Variants in EVI2A observed in about 807,000 individuals in gnomAD.
EVI2A encodes ecotropic viral integration site 2A.
EVI2A carries 11 observed loss-of-function variants against 13.0 expected under a neutral mutation model. The observed-to-expected ratio is 0.85, with a 90% CI of 0.53 to 1.40. The LOEUF (loss-of-function observed/expected upper bound fraction) is 1.40. Ranked by LOEUF, EVI2A falls within the 40% of genes most tolerant of loss-of-function variation. The pLI is 0.00. For missense variants in EVI2A, 267 were observed against 279.5 expected, an observed-to-expected ratio of 0.96 and a Z score of 0.32; for synonymous variants, 89 against 98.0, an observed-to-expected ratio of 0.91 and a Z score of 0.54.
rs1567892034 is a variant in EVI2A, at chr17:31,317,714, ATTTAATATTAATAGTAGAAAAACACT to A, written c.*563_*588del. The A allele has an allele frequency of 6.6e-6, 1 of 152,234 alleles. No homozygotes were observed. The highest frequency in any genetic ancestry group is 1.5e-5 in the Non-Finnish European group (1 of 68,042). 9.4% of individuals were successfully genotyped at this position (152,234 alleles called of 1,614,324 possible). A position where few individuals can be genotyped will look rare whatever the true frequency, so the allele number is the denominator to read the frequency against. On this transcript the variant is annotated 3_prime_UTR_variant, in exon 2 of 2. Coordinates refer to ENST00000462804, the MANE Select transcript of EVI2A (RefSeq NM_014210.4). ...TTATTATACAAAAGTAAAGGTTTTA[ATTTAATATTAATAGTAGAAAAACACT>A]TTCTTACGTGTGCCATATGGAAAGA...
In EVI2A at chr17:31,316,912, G is replaced by C. The variant is rs1189569840; in HGVS notation, c.*1391C>G. On this transcript the variant is annotated 3_prime_UTR_variant, in exon 2 of 2. Transcript: ENST00000462804. Reference sequence around the variant, plus strand: ...AGACGTTTGAATTTGATGACCAAGAGCAGTTATCACCTTGAGAGTTACGTA... The same window carrying C: ...AGACGTTTGAATTTGATGACCAAGACCAGTTATCACCTTGAGAGTTACGTA... Among the ~76,000 whole-genome samples, 1 of 152,082 alleles carries C rather than the reference G, an allele frequency of 6.6e-6. No homozygotes were observed. Among genetic ancestry groups the C allele is most frequent in the Non-Finnish European group, 1.5e-5 (1 of 68,008 alleles).
In EVI2A at chr17:31,317,368, AACACACACACACAC is replaced by A. The variant is rs3138611; in HGVS notation, c.*921_*934del. On this transcript the variant is annotated 3_prime_UTR_variant, in exon 2 of 2. Coordinates refer to ENST00000462804, the MANE Select transcript of EVI2A (RefSeq NM_014210.4). ...TGAAGTATGCAGTTTTCCAGATTTGAACACACACACACACACACACACACACACACACACACCCC... is the reference window on the plus strand; with the variant it reads ...TGAAGTATGCAGTTTTCCAGATTTGAACACACACACACACACACACACCCC... Among the ~76,000 whole-genome samples, 1 of 144,562 alleles carries A rather than the reference AACACACACACACAC, an allele frequency of 6.9e-6. No individual in the cohort carries two copies. The highest frequency in any genetic ancestry group is 1.5e-5 in the Non-Finnish European group (1 of 65,632). The allele number at this position is 144,562 out of a possible 152,430, so 94.8% of individuals were successfully genotyped here.
chr17:31,319,166 C>T, intron 1 of EVI2A, 143 bp from the exon 2 acceptor site: 1 of 848,528 alleles, frequency 1.2e-6, no homozygotes, highest in Non-Finnish European at 1.8e-6. Flanking sequence ...AATTCCTTCT[C>T]AACTAAATTT....
intron 1 of EVI2A, chr17:31,320,292 C>A: frequency 8.4e-7 from 1 of 1,183,954 alleles, no homozygotes; most frequent in Admixed American, 2.7e-5. Flanking sequence ...GTTAAGAACC[C>A]TACGTATGCT....
At chr17:31,320,483 T>G in intron 1 of EVI2A, 1 of 1,505,188 alleles carries the variant, frequency 6.6e-7, no homozygotes, top group Non-Finnish European at 9.2e-7. Context: ...TAAGAAATGG[T>G]TGTTATATGT....
rs1245893948 is a variant in EVI2A, at chr17:31,318,550, G to A, written c.464C>T (p.Ser155Leu). ...GACTTTGTTTGCCAAAACCACAGTT[G>A]ATAGAAATAGAAAGGTACAGATAAG... ...LFLICTFLFL[S>L]TVVLANKVSS... Residue 155 changes from serine (S) to leucine (L), a missense_variant, in exon 2 of 2, where the codon TCA becomes TTA. Ser to Leu is a moderately radical substitution (Grantham distance 145). Transcript: ENST00000462804. 1 of 1,614,072 alleles carries A rather than the reference G, an allele frequency of 6.2e-7. No individual in the cohort carries two copies. Among genetic ancestry groups the A allele is most frequent in the Non-Finnish European group, 8.5e-7 (1 of 1,180,002 alleles).
At chr17:31,320,890 T>G (rs2525563) in intron 1 of EVI2A, 77,854 of 160,304 alleles carry the variant, frequency 0.49, 21,390 homozygotes, top group Non-Finnish European at 0.62. Flanking sequence ...AGATTATTCT[T>G]TTCACATTAG....
chr17:31,318,176 T>C lies in EVI2A; in HGVS notation c.*127A>G. The C allele has an allele frequency of 8.2e-7, 1 of 1,214,222 alleles. No homozygotes were observed. The highest frequency in any genetic ancestry group is 1.6e-5 in the South Asian group (1 of 63,390). 75.2% of individuals were successfully genotyped at this position (1,214,222 alleles called of 1,614,324 possible). A position where few individuals can be genotyped will look rare whatever the true frequency, so the allele number is the denominator to read the frequency against. On this transcript the variant is annotated 3_prime_UTR_variant, in exon 2 of 2. Transcript: ENST00000462804. ...CATACTTCTCCCTGTCTCACCTGCTTGATTCTAAATTGCAAGGTCTACCAT... is the reference window on the plus strand; with the variant it reads ...CATACTTCTCCCTGTCTCACCTGCTCGATTCTAAATTGCAAGGTCTACCAT...
At chr17:31,320,258 AGATTT>A in intron 1 of EVI2A, 1 of 742,630 alleles carries the variant, frequency 1.3e-6, no homozygotes, top group Admixed American at 3.2e-5. Context: ...TGTTCTCCTG[AGATTT>A]ACTAAATGAA....
In EVI2A at chr17:31,317,944, T is replaced by C. The variant is rs2069068468; in HGVS notation, c.*359A>G. The C allele has an allele frequency of 4.7e-6, 1 of 211,804 alleles. No individual in the cohort carries two copies. The highest frequency in any genetic ancestry group is 7.8e-5 in the South Asian group (1 of 12,828). The allele number at this position is 211,804 out of a possible 1,614,324, so 13.1% of individuals were successfully genotyped here. Reference sequence around the variant, plus strand: ...TGGCTTTAAGGACACACTAAAACTATTCAAAGTTTAATTACATTCAGACAA... The same window carrying C: ...TGGCTTTAAGGACACACTAAAACTACTCAAAGTTTAATTACATTCAGACAA... On this transcript the variant is annotated 3_prime_UTR_variant, in exon 2 of 2. Coordinates refer to ENST00000462804, the MANE Select transcript of EVI2A (RefSeq NM_014210.4).
intron 1 of EVI2A, chr17:31,320,390 G>A (rs758469470): frequency 6.2e-7 from 1 of 1,608,396 alleles, no homozygotes; most frequent in Non-Finnish European, 8.5e-7. Flanking sequence ...GTATAGGTAG[G>A]GCCTGAAAGT....
At position 31,318,304 on chromosome 17, in the gene EVI2A, T is replaced by G. The variant is rs2069077635; in HGVS notation, c.710A>C (p.Ter237SerextTer1). The G allele has an allele frequency of 5.0e-6, 8 of 1,600,774 alleles. No homozygotes were observed. The East Asian group carries it at 1.8e-4, about 36-fold the overall frequency. The change falls in exon 2 of 2, where the codon TAG becomes TCG. Residue 237 changes from the stop codon to serine, a stop_lost. Transcript: ENST00000462804. ...TEKLTNKQIG[*>S] is the part of the protein sequence containing the mutation. ...ATTGCTACTTTGCATTTTTCTTCAC[T>G]AACCTATCTGTTTGTTAGTAAGTTT...
Position 31,318,959 on chromosome 17 carries a change from T to C in EVI2A, c.55A>G (p.Thr19Ala). ...GHYLHLAFLM[T>A]TVFSLSPGTK... The stretch of plus-strand genomic sequence containing the variant: ...CCAGGAGACAAAGAAAAAACTGTTG[T>C]CATCAGAAAGGCAAGATGTAGGTAA... Residue 19 changes from threonine (T) to alanine (A), a missense_variant, in exon 2 of 2, where the codon ACA (threonine) becomes GCA (alanine). Physicochemically the swap from Thr to Ala is moderately conservative, Grantham distance 58. Coordinates refer to ENST00000462804, the MANE Select transcript of EVI2A (RefSeq NM_014210.4). 6.2e-7 allele frequency: 1 copy of C among 1,613,474 alleles called. No individual in the cohort carries two copies. Among genetic ancestry groups the C allele is most frequent in the South Asian group, 1.1e-5 (1 of 91,086 alleles).
chr17:31,318,919 T>TA lies in EVI2A; in HGVS notation c.94dup (p.Tyr32LeufsTer7). 1 of 1,614,074 alleles carries TA rather than the reference T, an allele frequency of 6.2e-7. No individual in the cohort carries two copies. Among genetic ancestry groups the TA allele is most frequent in the Admixed American group, 1.7e-5 (1 of 60,018 alleles). On this transcript the variant is annotated frameshift_variant, in exon 2 of 2. Coordinates refer to ENST00000462804, the MANE Select transcript of EVI2A (RefSeq NM_014210.4). LOFTEE classifies it high-confidence loss of function. ...AGTACTGTTAGCCCACAGACGGGTA[T>TA]AGTTTGCTTTTGTTCCAGGAGACAA...
Position 31,316,773 on chromosome 17 carries a change from G to A in EVI2A, c.*1530C>T, listed in dbSNP as rs537018032. Among the ~76,000 whole-genome samples the A allele has an allele frequency of 1.2e-3, 178 of 152,152 alleles. No individual in the cohort carries two copies. The highest frequency in any genetic ancestry group is 1.9e-3 in the Admixed American group (29 of 15,280). ...CTTTGTTAACACTTAACTTTATCTG[G>A]AATAATATTGTTATGATTTCTCGTT... On this transcript the variant is annotated 3_prime_UTR_variant, in exon 2 of 2. Coordinates refer to ENST00000462804, the MANE Select transcript of EVI2A (RefSeq NM_014210.4).
chr17:31,318,739 T>C lies in EVI2A; in HGVS notation c.275A>G (p.Gln92Arg). The change falls in exon 2 of 2, where the codon CAG becomes CGG. Residue 92 changes from glutamine to arginine, a missense_variant. Physicochemically the swap from Gln to Arg is conservative, Grantham distance 43. Coordinates refer to ENST00000462804, the MANE Select transcript of EVI2A (RefSeq NM_014210.4). ...GACGACAGAAGGTATATAAAGCTCCTGTTCAGATTTAGAAGTTAAAGCTAC... is the reference window on the plus strand; with the variant it reads ...GACGACAGAAGGTATATAAAGCTCCCGTTCAGATTTAGAAGTTAAAGCTAC... ...HIVALTSKSE[Q>R]ELYIPSVVSN... is the part of the protein sequence containing the mutation. 1 of 1,614,106 alleles carries C rather than the reference T, an allele frequency of 6.2e-7. No homozygotes were observed. The highest frequency in any genetic ancestry group is 8.5e-7 in the Non-Finnish European group (1 of 1,179,990).
intron 1 of EVI2A, among the ~76,000 whole-genome samples, chr17:31,320,119 C>T (rs1232951381): frequency 6.6e-6 from 1 of 151,946 alleles, no homozygotes; most frequent in Non-Finnish European, 1.5e-5. Flanking sequence ...GTACTGCTAA[C>T]CCAGCAGGAA....
rs139943451 is a variant in EVI2A, at chr17:31,318,634, G to T, written c.380C>A (p.Ala127Glu). 8 of 1,613,886 alleles carry T rather than the reference G, an allele frequency of 5.0e-6. No homozygotes were observed. In the African/African-American group the frequency reaches 6.7e-5, roughly 13 times the overall value. ...CATAGCCATGTTGTTGTTGTTTTCC[G>T]CACAGACATCCTTTTTGAAAATTTC... ...HGEIFKKDVC[A>E]ENNNNMAMLI... The change falls in exon 2 of 2, where the codon GCG becomes GAG. Residue 127 changes from alanine (A) to glutamate (E), a missense_variant. Coordinates refer to ENST00000462804, the MANE Select transcript of EVI2A (RefSeq NM_014210.4).
Position 31,319,063 on chromosome 17 carries a change from A to G in EVI2A, c.-10-40T>C, listed in dbSNP as rs775200148. 4 of 1,533,776 alleles carry G rather than the reference A, an allele frequency of 2.6e-6. No individual in the cohort carries two copies. In the East Asian group the frequency reaches 6.8e-5, roughly 26 times the overall value. On this transcript the variant is annotated intron_variant, in intron 1 of 1. Transcript: ENST00000462804. The stretch of plus-strand genomic sequence containing the variant: ...ATATAATTTGTTAGTTTGTGAAAGA[A>G]TAATGGATCCTAGTTTTGGTAATTG...
Sources: gnomAD v4.1 joint callset for allele counts (sites outside exome capture counted in the v4.1 genomes callset) on GRCh38, gnomAD v4.1.1 for gene constraint, MANE v1.5 for transcripts, NCBI Gene and HGNC (gene_info 2026-07-23, HGNC 2026-07-21) for gene names.